CDH2: variants seen among roughly 807,000 people sequenced by gnomAD.
CDH2 encodes cadherin 2.
Under a neutral mutation model 92.0 loss-of-function variants are expected in CDH2, and 17 were observed. The ratio of observed to expected loss-of-function variants is 0.18; its 90% CI spans 0.13 to 0.28. The LOEUF (loss-of-function observed/expected upper bound fraction) is 0.28, where lower values mean the gene tolerates loss of function less well. Among genes scored for constraint, CDH2 ranks in the 10% least tolerant of loss-of-function variants. CDH2 has a pLI of 1.00. For missense variants in CDH2, 862 were observed against 1,133.1 expected (o/e 0.76, Z 3.44); for synonymous variants, 419 against 415.9 (o/e 1.01, Z -0.09).
In CDH2 at chr18:28,019,364, A is replaced by C. The variant is rs1045500099; in HGVS notation, c.173-5455T>G. Among the ~76,000 whole-genome samples, 8 of 151,992 alleles carry C rather than the reference A, an allele frequency of 5.3e-5. No homozygotes were observed. In the South Asian group the frequency reaches 1.7e-3, roughly 32 times the overall value. Reference sequence around the variant, plus strand: ...AAGGAAGGAGGGAAGGCAGGAAGGAAGGAAAGAAAGAGAAAAGAAAAAAGA... The same window carrying C: ...AAGGAAGGAGGGAAGGCAGGAAGGACGGAAAGAAAGAGAAAAGAAAAAAGA... On this transcript the variant is annotated intron_variant, in intron 2 of 15. Transcript: ENST00000269141.
chr18:28,077,662 A>G (rs17446316), intron 2 of CDH2, among the ~76,000 whole-genome samples: 40,505 of 151,892 alleles, frequency 0.27, 6,455 homozygotes, highest in African/African-American at 0.43. Context: ...AGGCTGAGGC[A>G]GGCGGAACAC....
chr18:28,013,906 T>G lies in CDH2; in HGVS notation c.176A>C (p.Lys59Thr). 1.2e-6 allele frequency: 2 copies of G among 1,609,882 alleles called. No individual in the cohort carries two copies. Among genetic ancestry groups the G allele is most frequent in the South Asian group, 2.2e-5 (2 of 91,038 alleles). Residue 59 changes from lysine to threonine, a missense_variant, in exon 3 of 16, where the codon AAG (lysine) becomes ACG (threonine). Lys to Thr is a moderately conservative substitution (Grantham distance 78). This residue lies in a region of CDH2 where 159 missense variants were observed against 177.2 expected (regional missense o/e 0.90). Coordinates refer to ENST00000269141, the MANE Select transcript of CDH2 (RefSeq NM_001792.5). ...VHEGQPLLNV[K>T]FSNCNGKRKV... is the part of the protein sequence containing the mutation. Reference sequence around the variant, plus strand: ...TCTTTTTCCATTGCAGTTGCTAAACTTCACTGTAAAAGATAAGAAATAGGT... The same window carrying G: ...TCTTTTTCCATTGCAGTTGCTAAACGTCACTGTAAAAGATAAGAAATAGGT...
intron 2 of CDH2, among the ~76,000 whole-genome samples, chr18:28,077,142 A>C (rs1430171043): frequency 6.6e-6 from 1 of 152,152 alleles, no homozygotes; most frequent in African/African-American, 2.4e-5. Context: ...TCCTATTTTA[A>C]ATAGTTACTG....
chr18:28,023,658 T>G (rs2013469751), intron 2 of CDH2, among the ~76,000 whole-genome samples: 1 of 152,150 alleles, frequency 6.6e-6, no homozygotes. Context: ...GAATATTTAT[T>G]TGCCTCCCTG....
At chr18:27,990,031 G>C in intron 10 of CDH2, 66 bp downstream of exon 10, 1 of 1,361,854 alleles carries the variant, frequency 7.3e-7, no homozygotes, top group Middle Eastern at 1.9e-4. Flanking sequence ...TAGTGAATTA[G>C]ATAAATTTTA....
chr18:28,062,406 G>A (rs1043568186), intron 2 of CDH2, among the ~76,000 whole-genome samples: 1 of 152,074 alleles, frequency 6.6e-6, no homozygotes, highest in African/African-American at 2.4e-5. Flanking sequence ...ATATTCAGCT[G>A]GAGTCAATAA....
chr18:28,120,809 C>G (rs527879400), intron 2 of CDH2, among the ~76,000 whole-genome samples: 1 of 152,246 alleles, frequency 6.6e-6, no homozygotes, highest in Admixed American at 6.5e-5. Context: ...CACCCCTAGA[C>G]ACAGATATCA....
At chr18:28,052,583 T>A (rs763239409) in intron 2 of CDH2, among the ~76,000 whole-genome samples, 9 of 152,292 alleles carry the variant, frequency 5.9e-5, no homozygotes, top group Non-Finnish European at 8.8e-5. Context: ...TTAACTTCAG[T>A]GTTACATGGG....
Position 28,013,900 on chromosome 18 carries a change from C to A in CDH2, c.182G>T (p.Ser61Ile). 6.2e-7 allele frequency: 1 copy of A among 1,610,410 alleles called. No individual in the cohort carries two copies. Among genetic ancestry groups the A allele is most frequent in the Non-Finnish European group, 8.5e-7 (1 of 1,178,712 alleles). The change falls in exon 3 of 16, where the codon AGC becomes ATC. Residue 61 changes from serine (S) to isoleucine (I), a missense_variant. Coordinates refer to ENST00000269141, the MANE Select transcript of CDH2 (RefSeq NM_001792.5). Reference protein sequence around the residue: ...EGQPLLNVKFSNCNGKRKVQY... With the variant: ...EGQPLLNVKFINCNGKRKVQY... ...TACTTTTCTTTTTCCATTGCAGTTGCTAAACTTCACTGTAAAAGATAAGAA... is the reference window on the plus strand; with the variant it reads ...TACTTTTCTTTTTCCATTGCAGTTGATAAACTTCACTGTAAAAGATAAGAA...
At chr18:27,985,493 C>G (rs749302395) in intron 12 of CDH2, 35 bp downstream of exon 12, 3 of 1,376,482 alleles carry the variant, frequency 2.2e-6, no homozygotes, top group Admixed American at 3.6e-5. Context: ...AATCTCTCAA[C>G]TGCACATATA....
intron 6 of CDH2, among the ~76,000 whole-genome samples, chr18:27,939,606 A>C (rs1217089911): frequency 6.6e-6 from 1 of 151,896 alleles, no homozygotes; most frequent in African/African-American, 2.4e-5. Context: ...CCTTGAGCTC[A>C]CCTCTTTTCA....
intron 6 of CDH2, among the ~76,000 whole-genome samples, chr18:27,936,873 C>T (rs769979920): frequency 6.6e-6 from 1 of 152,046 alleles, no homozygotes; most frequent in Admixed American, 6.6e-5. Context: ...GTTATTTCTG[C>T]CTGGGCTCAA....
intron 2 of CDH2, among the ~76,000 whole-genome samples, chr18:28,106,126 G>A (rs1179023792): frequency 2.0e-5 from 3 of 152,340 alleles, no homozygotes; most frequent in South Asian, 2.1e-4. Context: ...ATAAGAAAGT[G>A]TTATATCTGG....
At chr18:28,127,635 CA>C (rs202103889) in intron 2 of CDH2, among the ~76,000 whole-genome samples, 4 of 150,050 alleles carry the variant, frequency 2.7e-5, no homozygotes, top group Non-Finnish European at 5.9e-5. Context: ...AAGCCATGAC[CA>C]AAAAAAAACC....
At chr18:28,152,496 C>T (rs1489573255) in intron 1 of CDH2, among the ~76,000 whole-genome samples, 1 of 152,068 alleles carries the variant, frequency 6.6e-6, no homozygotes, top group Non-Finnish European at 1.5e-5. Context: ...TAGCAAGGCG[C>T]TAGAGAGTGG....
intron 2 of CDH2, among the ~76,000 whole-genome samples, chr18:28,021,572 T>G (rs1033711700): frequency 6.6e-6 from 1 of 151,996 alleles, no homozygotes; most frequent in African/African-American, 2.4e-5. Flanking sequence ...GTGAACATGA[T>G]GAACATAAAA....
At chr18:28,113,815 C>T (rs1341984949) in intron 2 of CDH2, among the ~76,000 whole-genome samples, 1 of 152,058 alleles carries the variant, frequency 6.6e-6, no homozygotes, top group East Asian at 1.9e-4. Context: ...AAGTTACACT[C>T]CATAAAAGGC....
At chr18:28,081,723 T>G (rs1240217830) in intron 2 of CDH2, among the ~76,000 whole-genome samples, 1 of 152,200 alleles carries the variant, frequency 6.6e-6, no homozygotes, top group Non-Finnish European at 1.5e-5. Context: ...GATGTTGCAT[T>G]TATAAAACTG....
chr18:27,984,864 A>G (rs766917685), intron 13 of CDH2, 136 bp downstream of exon 13: 1 of 661,434 alleles, frequency 1.5e-6, no homozygotes, highest in South Asian at 1.9e-5. Context: ...TGGTCGACCC[A>G]TATATGATTG....
Sources: allele counts gnomAD v4.1 joint callset (sites outside exome capture counted in the v4.1 genomes callset), GRCh38; gene constraint gnomAD v4.1.1; regional missense constraint gnomAD v4.1.1; transcripts MANE v1.5; gene names NCBI Gene and HGNC (gene_info 2026-07-23, HGNC 2026-07-21).